The following ZHX2 variants were observed in gnomAD, a reference collection of about 807,000 sequenced individuals.
ZHX2 encodes zinc fingers and homeoboxes 2, also known as zinc fingers and homeoboxes protein 2.
Under a neutral mutation model 21.9 loss-of-function variants are expected in ZHX2, and 6 were observed. That is an observed-to-expected ratio of 0.27 (90% CI 0.15 to 0.54). ZHX2 has a LOEUF of 0.54. ZHX2 is among the 20% of genes least tolerant of loss of function. The pLI is 0.95. For missense variants in ZHX2, 908 were observed against 1,090.7 expected, an observed-to-expected ratio of 0.83 and a Z score of 2.36; for synonymous variants, 434 against 437.1, an observed-to-expected ratio of 0.99 and a Z score of 0.09.
chr8:122,890,646 C>G (rs1338718180), intron 2 of ZHX2, among the ~76,000 whole-genome samples: 1 of 151,890 alleles, frequency 6.6e-6, no homozygotes, highest in Non-Finnish European at 1.5e-5. Context: ...CATTAGTGTT[C>G]TATTGTTTTC....
At chr8:122,938,988 C>A (rs1428371562) in intron 2 of ZHX2, among the ~76,000 whole-genome samples, 1 of 152,160 alleles carries the variant, frequency 6.6e-6, no homozygotes, top group Non-Finnish European at 1.5e-5. Context: ...AGGGCAGAAT[C>A]CACAGAGGTG....
chr8:122,842,998 G>A (rs4870819), intron 1 of ZHX2, among the ~76,000 whole-genome samples: 4,937 of 152,318 alleles, frequency 0.032, 126 homozygotes, highest in Non-Finnish European at 0.047. Context: ...TGATGCAGGC[G>A]TGACACTTGG....
chr8:122,948,535 G>A (rs1040596703), intron 2 of ZHX2, among the ~76,000 whole-genome samples: 1 of 152,042 alleles, frequency 6.6e-6, no homozygotes, highest in Admixed American at 6.6e-5. Context: ...ACTGTTTTGC[G>A]AAAAGAAAGA....
chr8:122,854,734 T>C (rs1292378482), intron 1 of ZHX2, among the ~76,000 whole-genome samples: 1 of 152,120 alleles, frequency 6.6e-6, no homozygotes, highest in Non-Finnish European at 1.5e-5. Flanking sequence ...TATGCATCTT[T>C]CAATCCAGCT....
chr8:122,938,908 G>T (rs1379775431), intron 2 of ZHX2, among the ~76,000 whole-genome samples: 1 of 152,194 alleles, frequency 6.6e-6, no homozygotes, highest in African/African-American at 2.4e-5. Flanking sequence ...GTGTTTTGAG[G>T]ATGGCACTGC....
chr8:122,820,701 A>G (rs771724186), intron 1 of ZHX2, among the ~76,000 whole-genome samples: 1 of 152,142 alleles, frequency 6.6e-6, no homozygotes, highest in Non-Finnish European at 1.5e-5. Context: ...TTATAAGCTG[A>G]ATAAGAATGG....
rs1278235645 is a variant in ZHX2 at position 122,953,866 on chromosome 8, G to A, written c.2356G>A (p.Glu786Lys). 6.2e-6 allele frequency: 10 copies of A among 1,614,222 alleles called. No individual in the cohort carries two copies. The highest frequency in any genetic ancestry group is 4.5e-5 in the East Asian group (2 of 44,880). Residue 786 changes from glutamate (E) to lysine (K), a missense_variant, in exon 3 of 4, where the codon GAG becomes AAG. By Grantham distance (56) the Glu-to-Lys change is moderately conservative. Coordinates refer to ENST00000314393, the MANE Select transcript of ZHX2 (RefSeq NM_014943.5). This position sits in a 1 kb window ranked among gnomAD's most constrained non-coding sequence, Gnocchi z 4.6. ...GGACGGCCAGGGTAGCGACGAGAAC[G>A]AGGAGTCGAGCGTTGTGGATTACGT... is the stretch of plus-strand genomic sequence containing the variant. ...SRDGQGSDEN[E>K]ESSVVDYVEV...
intron 1 of ZHX2, among the ~76,000 whole-genome samples, chr8:122,814,001 G>A (rs993285051): frequency 2.0e-5 from 3 of 152,256 alleles, no homozygotes; most frequent in African/African-American, 7.2e-5. Context: ...AGATGAATTG[G>A]TGAAGCCTAA....
At chr8:122,871,943 A>G (rs1301766740) in intron 2 of ZHX2, among the ~76,000 whole-genome samples, 4 of 152,164 alleles carry the variant, frequency 2.6e-5, no homozygotes, top group Admixed American at 2.6e-4. Flanking sequence ...ACCAACCTAT[A>G]GATGTGTTCC....
intron 2 of ZHX2, among the ~76,000 whole-genome samples, chr8:122,880,537 G>C (rs1819687745): frequency 1.3e-5 from 2 of 152,010 alleles, no homozygotes; most frequent in African/African-American, 4.8e-5. Context: ...CACTTCAGGA[G>C]GCCAAGACAG....
At chr8:122,896,239 T>A (rs1342574305) in intron 2 of ZHX2, among the ~76,000 whole-genome samples, 1 of 151,614 alleles carries the variant, frequency 6.6e-6, no homozygotes, top group Non-Finnish European at 1.5e-5. Context: ...TTTTTTTTTT[T>A]CTTAAGGGCA....
At chr8:122,787,154 A>T (rs557039910) in intron 1 of ZHX2, among the ~76,000 whole-genome samples, 1 of 152,026 alleles carries the variant, frequency 6.6e-6, no homozygotes, top group South Asian at 2.1e-4. Context: ...TGACAACAGT[A>T]TATCAATTTC....
intron 1 of ZHX2, among the ~76,000 whole-genome samples, chr8:122,817,816 GC>G (rs199499164): frequency 0.015 from 2,278 of 152,322 alleles, 32 homozygotes; most frequent in South Asian, 0.061. Flanking sequence ...TCCTGTAACT[GC>G]TGGGCAGGCC....
At chr8:122,900,233 GTGGTGCCAGCATCTGCTTC>G (rs369476933) in intron 2 of ZHX2, among the ~76,000 whole-genome samples, 3,003 of 152,004 alleles carry the variant, frequency 0.02, 97 homozygotes, top group African/African-American at 0.069. Flanking sequence ...TACAAGAAGC[GTGGTGCCAGCATCTGCTTC>G]TGGTGTGGAC....
At chr8:122,880,594 G>A (rs112738259) in intron 2 of ZHX2, among the ~76,000 whole-genome samples, 1,595 of 152,056 alleles carry the variant, frequency 0.01, 26 homozygotes, top group African/African-American at 0.037. Context: ...GGGCAACATG[G>A]TGAAATCCCA....
intron 3 of ZHX2, among the ~76,000 whole-genome samples, chr8:122,968,337 C>T (rs1043945054): frequency 4.6e-5 from 7 of 152,116 alleles, no homozygotes; most frequent in East Asian, 1.9e-4. Context: ...CTTCAAACCA[C>T]GCAGGGAAGG....
chr8:122,841,922 T>C (rs1818638666), intron 1 of ZHX2, among the ~76,000 whole-genome samples: 1 of 152,146 alleles, frequency 6.6e-6, no homozygotes, highest in South Asian at 2.1e-4. Context: ...GAAGTCTCAG[T>C]ATGAGATATG....
chr8:122,969,294 T>C (rs1813662623), intron 3 of ZHX2, among the ~76,000 whole-genome samples: 1 of 152,106 alleles, frequency 6.6e-6, no homozygotes, highest in Non-Finnish European at 1.5e-5. Flanking sequence ...GTTATACAGA[T>C]GAGTAACTTC....
At chr8:122,884,640 G>A (rs1354636615) in intron 2 of ZHX2, among the ~76,000 whole-genome samples, 3 of 152,204 alleles carry the variant, frequency 2.0e-5, no homozygotes, top group Non-Finnish European at 2.9e-5. Context: ...GTGGGCGTCC[G>A]CTGGCCATGG....
Sources: allele counts gnomAD v4.1 joint callset (sites outside exome capture counted in the v4.1 genomes callset), GRCh38; gene constraint gnomAD v4.1.1; non-coding constraint Gnocchi (gnomAD v3.1); transcripts MANE v1.5; gene names NCBI Gene and HGNC (gene_info 2026-07-23, HGNC 2026-07-21).